FA2H: variants seen among roughly 807,000 people sequenced by gnomAD.
The protein encoded by FA2H is fatty acid 2-hydroxylase, also known as fatty acid alpha-hydroxylase.
In FA2H, 22 loss-of-function variants were observed where a neutral mutation model predicts 44.9. The observed-to-expected ratio is 0.49, with a 90% CI of 0.35 to 0.70. The LOEUF (loss-of-function observed/expected upper bound fraction) is 0.70, where lower values mean the gene tolerates loss of function less well. Ranked by LOEUF, FA2H falls within the 30% of genes least tolerant of loss-of-function variation. FA2H has a pLI of 0.01. For synonymous variants in FA2H, 243 were observed against 213.2 expected (o/e 1.14, Z -1.22); for missense variants, 501 against 504.9 (o/e 0.99, Z 0.07).
chr16:74,744,751 A>C (rs1162541659), intron 1 of FA2H, among the ~76,000 whole-genome samples: 2 of 152,054 alleles, frequency 1.3e-5, no homozygotes, highest in Non-Finnish European at 2.9e-5. Flanking sequence ...CATGTCCACC[A>C]AATTTTTTAT....
At chr16:74,773,298 G>T (rs1361768584) in intron 1 of FA2H, among the ~76,000 whole-genome samples, 1 of 152,086 alleles carries the variant, frequency 6.6e-6, no homozygotes, top group African/African-American at 2.4e-5. Flanking sequence ...TTCTATTATT[G>T]TTGTTGTTAA....
chr16:74,772,984 TC>T (rs1440149377), intron 1 of FA2H, among the ~76,000 whole-genome samples: 1 of 151,924 alleles, frequency 6.6e-6, no homozygotes, highest in African/African-American at 2.4e-5. Flanking sequence ...CAGGTGATCC[TC>T]CCACCTTAGC....
intron 1 of FA2H, among the ~76,000 whole-genome samples, chr16:74,760,598 C>CG (rs1269130654): frequency 2.1e-5 from 3 of 144,332 alleles, no homozygotes; most frequent in East Asian, 4.2e-4. Context: ...GCCTGCTCCC[C>CG]CCAGGAAATC....
chr16:74,737,799 T>G (rs1260090090), intron 2 of FA2H, among the ~76,000 whole-genome samples: 1 of 152,070 alleles, frequency 6.6e-6, no homozygotes, highest in East Asian at 1.9e-4. Flanking sequence ...GCTGCCACCT[T>G]CATGGCCTCT....
intron 5 of FA2H, among the ~76,000 whole-genome samples, chr16:74,717,405 A>T (rs1961731139): frequency 6.6e-6 from 1 of 152,220 alleles, no homozygotes; most frequent in Non-Finnish European, 1.5e-5. Context: ...ACCAGCTCTC[A>T]GGAAAAGGAG....
At chr16:74,738,739 C>T (rs984669415) in intron 2 of FA2H, among the ~76,000 whole-genome samples, 3 of 151,134 alleles carry the variant, frequency 2.0e-5, no homozygotes, top group African/African-American at 7.3e-5. Flanking sequence ...CCCCATTCCC[C>T]TCCGATCTCC....
chr16:74,719,246 G>A (rs1238684952), intron 4 of FA2H, 86 bp from the exon 5 acceptor site: 4 of 1,215,208 alleles, frequency 3.3e-6, no homozygotes, highest in Non-Finnish European at 4.7e-6. Context: ...ATCCCCATCA[G>A]CTCGGGAGCT....
chr16:74,718,346 T>C (rs888394216), intron 5 of FA2H, among the ~76,000 whole-genome samples: 1 of 152,086 alleles, frequency 6.6e-6, no homozygotes, highest in African/African-American at 2.4e-5. Flanking sequence ...GACAGCACAA[T>C]GCAGGGACAG....
chr16:74,714,827 T>C (rs1961658578), intron 6 of FA2H, among the ~76,000 whole-genome samples: 1 of 148,954 alleles, frequency 6.7e-6, no homozygotes, highest in African/African-American at 2.6e-5. Flanking sequence ...TTGATTGAGT[T>C]ACTGGAATTT....
At chr16:74,743,105 G>A (rs559634780) in intron 1 of FA2H, among the ~76,000 whole-genome samples, 2 of 152,212 alleles carry the variant, frequency 1.3e-5, no homozygotes, top group East Asian at 1.9e-4. Flanking sequence ...TCCTGCCTCT[G>A]CCTCCCAAAG....
At chr16:74,733,090 C>T (rs1210328915) in intron 2 of FA2H, among the ~76,000 whole-genome samples, 2 of 152,242 alleles carry the variant, frequency 1.3e-5, no homozygotes, top group Non-Finnish European at 1.5e-5. Flanking sequence ...GGGCCTCACA[C>T]CCGAGCTCTG....
intron 1 of FA2H, among the ~76,000 whole-genome samples, chr16:74,754,761 C>G (rs1350341428): frequency 6.6e-6 from 1 of 152,116 alleles, no homozygotes; most frequent in African/African-American, 2.4e-5. Context: ...CTTCTGGGCT[C>G]AAGTGACCCT....
At chr16:74,761,289 C>T (rs1405033382) in intron 1 of FA2H, among the ~76,000 whole-genome samples, 1 of 151,986 alleles carries the variant, frequency 6.6e-6, no homozygotes, top group Non-Finnish European at 1.5e-5. Context: ...CCTGTCTCTA[C>T]TAAAAATACA....
At chr16:74,734,623 C>T (rs1380275188) in intron 2 of FA2H, among the ~76,000 whole-genome samples, 1 of 152,160 alleles carries the variant, frequency 6.6e-6, no homozygotes, top group Non-Finnish European at 1.5e-5. Context: ...GCCTGCTGCC[C>T]AGAGGGTGGG....
Position 74,714,026 on chromosome 16 carries a change from G to C in FA2H, c.*164C>G. 1.7e-6 allele frequency: 1 copy of C among 604,434 alleles called. No individual in the cohort carries two copies. The highest frequency in any genetic ancestry group is 2.7e-5 in the Admixed American group (1 of 36,804). 37.4% of individuals were successfully genotyped at this position (604,434 alleles called of 1,614,324 possible). A position where few individuals can be genotyped will look rare whatever the true frequency, so the allele number is the denominator to read the frequency against. ...CCCTCCTACCAGGGGTCAGGAGGGC[G>C]GTCCTGCCTCAGGGCCCCCTCAGCA... On this transcript the variant is annotated 3_prime_UTR_variant, in exon 7 of 7. Coordinates refer to ENST00000219368, the MANE Select transcript of FA2H (RefSeq NM_024306.5).
intron 1 of FA2H, among the ~76,000 whole-genome samples, chr16:74,750,577 C>T: frequency 6.6e-6 from 1 of 152,190 alleles, no homozygotes; most frequent in Non-Finnish European, 1.5e-5. Context: ...CACCCTCCCT[C>T]ATACCTCCTA....
intron 1 of FA2H, among the ~76,000 whole-genome samples, chr16:74,762,051 A>C (rs1416472017): frequency 7.1e-6 from 1 of 141,596 alleles, no homozygotes; most frequent in Non-Finnish European, 1.5e-5. Context: ...GCTTCCACAC[A>C]ATTTTTTTTT....
intron 1 of FA2H, among the ~76,000 whole-genome samples, chr16:74,772,108 C>T (rs544207460): frequency 7.2e-5 from 11 of 152,280 alleles, no homozygotes; most frequent in Admixed American, 2.0e-4. Context: ...GCCTACGAAG[C>T]CCCGTGTGAT....
At chr16:74,758,164 G>A (rs1388552159) in intron 1 of FA2H, among the ~76,000 whole-genome samples, 10 of 144,972 alleles carry the variant, frequency 6.9e-5, no homozygotes, top group Middle Eastern at 3.7e-3. Flanking sequence ...ACTGTCGCCC[G>A]GGCTGGAGTG....
Sources: gnomAD v4.1 joint callset for allele counts (sites outside exome capture counted in the v4.1 genomes callset) on GRCh38, gnomAD v4.1.1 for gene constraint, MANE v1.5 for transcripts, NCBI Gene and HGNC (gene_info 2026-07-23, HGNC 2026-07-21) for gene names.